Variants in RPH3A observed in about 807,000 individuals in gnomAD.
RPH3A encodes rabphilin-3A.
A neutral mutation model predicts 102.2 loss-of-function variants in RPH3A; 48 were observed. The ratio of observed to expected loss-of-function variants is 0.47; its 90% CI spans 0.37 to 0.60. The LOEUF (loss-of-function observed/expected upper bound fraction) is 0.60, where lower values mean the gene tolerates loss of function less well. Ranked by LOEUF, RPH3A falls within the 20% of genes least tolerant of loss-of-function variation. The pLI, the probability that RPH3A is intolerant of heterozygous loss-of-function variation, is 0.00. For missense variants in RPH3A, 781 were observed against 910.1 expected (o/e 0.86, Z 1.83); for synonymous variants, 310 against 324.3 (o/e 0.96, Z 0.47).
intron 1 of RPH3A, among the ~76,000 whole-genome samples, chr12:112,765,012 G>A (rs913557518): frequency 6.6e-6 from 1 of 152,194 alleles, no homozygotes; most frequent in South Asian, 2.1e-4. Flanking sequence ...AATTGTCTGA[G>A]CCATAAAGGG....
In RPH3A at chr12:112,576,841, C is replaced by CT. The variant is rs200480621; in HGVS notation, c.-140+1535dup. On this transcript the variant is annotated intron_variant, in intron 1 of 21. Transcript: ENST00000543106. ...CCCTGAGCTATTCCCTCTTATAAAACTTTTTTTTTTTTTAAATTATTGTAT... is the reference window on the plus strand; with the variant it reads ...CCCTGAGCTATTCCCTCTTATAAAACTTTTTTTTTTTTTTAAATTATTGTAT... Among the ~76,000 whole-genome samples, 194 of 139,172 alleles carry CT rather than the reference C, an allele frequency of 1.4e-3. 1 individual carries two copies. Among genetic ancestry groups the CT allele is most frequent in the African/African-American group, 2.6e-3 (97 of 37,866 alleles). 91.3% of individuals were successfully genotyped at this position (139,172 alleles called of 152,430 possible).
At chr12:112,870,799 A>T (rs2042695806) in intron 10 of RPH3A, among the ~76,000 whole-genome samples, 1 of 152,122 alleles carries the variant, frequency 6.6e-6, no homozygotes, top group Non-Finnish European at 1.5e-5. Flanking sequence ...TGTGCTTCAT[A>T]ATCTGCCCAG....
chr12:112,842,937 G>A (rs1357664834), intron 4 of RPH3A, among the ~76,000 whole-genome samples: 1 of 152,212 alleles, frequency 6.6e-6, no homozygotes, highest in Non-Finnish European at 1.5e-5. Context: ...ATACTGCCAA[G>A]AAGTGTCAGA....
chr12:112,633,546 T>G (rs1410545326), intron 1 of RPH3A, among the ~76,000 whole-genome samples: 1 of 152,160 alleles, frequency 6.6e-6, no homozygotes, highest in Non-Finnish European at 1.5e-5. Flanking sequence ...TGTGATGCCC[T>G]GGGCTACCTT....
At chr12:112,667,558 G>C (rs1274701621) in intron 1 of RPH3A, among the ~76,000 whole-genome samples, 1 of 151,882 alleles carries the variant, frequency 6.6e-6, no homozygotes, top group Non-Finnish European at 1.5e-5. Context: ...TATATATAAA[G>C]GGACTGATTA....
chr12:112,727,278 C>T (rs994440258), intron 1 of RPH3A, among the ~76,000 whole-genome samples: 5 of 150,944 alleles, frequency 3.3e-5, no homozygotes, highest in African/African-American at 7.3e-5. Context: ...GTAATCTCAG[C>T]GACCTGGGAG....
At chr12:112,712,967 C>CTTCT (rs2040480970) in intron 1 of RPH3A, among the ~76,000 whole-genome samples, 2 of 92,778 alleles carry the variant, frequency 2.2e-5, no homozygotes, top group Non-Finnish European at 4.6e-5. Flanking sequence ...CTTCTTCTTT[C>CTTCT]TTCTTCTTTC....
intron 5 of RPH3A, among the ~76,000 whole-genome samples, chr12:112,852,980 G>A (rs551156574): frequency 1.1e-4 from 16 of 152,352 alleles, no homozygotes; most frequent in Non-Finnish European, 2.2e-4. Context: ...GCCCAAAAAA[G>A]TAATTAGGAT....
intron 1 of RPH3A, among the ~76,000 whole-genome samples, chr12:112,738,074 A>G (rs2040682008): frequency 1.3e-5 from 2 of 152,198 alleles, no homozygotes; most frequent in Admixed American, 6.5e-5. Flanking sequence ...GTTCCCAGCA[A>G]TCCTTGGCAT....
chr12:112,619,864 T>C (rs1173246011), intron 1 of RPH3A, among the ~76,000 whole-genome samples: 1 of 152,234 alleles, frequency 6.6e-6, no homozygotes, highest in African/African-American at 2.4e-5. Context: ...AAATATACCC[T>C]ACTGATTTTA....
At chr12:112,824,227 AGCCGTCTT>A (rs2041829468) in intron 2 of RPH3A, among the ~76,000 whole-genome samples, 1 of 152,214 alleles carries the variant, frequency 6.6e-6, no homozygotes, top group South Asian at 2.1e-4. Flanking sequence ...GGCAGCACAC[AGCCGTCTT>A]GCCCTAGAAG....
chr12:112,602,818 AAG>A (rs1202218197), intron 1 of RPH3A, among the ~76,000 whole-genome samples: 3 of 152,156 alleles, frequency 2.0e-5, no homozygotes, highest in Non-Finnish European at 4.4e-5. Flanking sequence ...GAGTAGGAGA[AAG>A]AGAGTAGCAG....
chr12:112,728,079 A>G (rs2040608061), intron 1 of RPH3A, among the ~76,000 whole-genome samples: 3 of 152,204 alleles, frequency 2.0e-5, no homozygotes, highest in Non-Finnish European at 2.9e-5. Context: ...GGAAAGCTTG[A>G]TGTGGGTTTT....
intron 1 of RPH3A, among the ~76,000 whole-genome samples, chr12:112,622,682 C>T (rs1297044886): frequency 6.6e-6 from 1 of 151,274 alleles, no homozygotes; most frequent in African/African-American, 2.4e-5. Flanking sequence ...GGCAGGCCAA[C>T]ATTCAGATTC....
In RPH3A at chr12:112,869,912, T is replaced by C. The variant is rs763252983; in HGVS notation, c.669T>C (p.Ala223=). ...TTCCAGGCCCTGACCCAGCCTCTGC[T>C]CCCGGGCGAGGAAACTATGGGCCTC... is the stretch of plus-strand genomic sequence containing the variant. ...GQKTGPDPAS[A]PGRGNYGPPV... Residue 223 remains alanine, a synonymous_variant, in exon 10 of 22, where the codon GCT becomes GCC. Transcript: ENST00000389385. The C allele has an allele frequency of 1.9e-6, 3 of 1,614,002 alleles. No homozygotes were observed. The highest frequency in any genetic ancestry group is 1.6e-4 in the Middle Eastern group (1 of 6,062).
chr12:112,891,113 G>A, intron 19 of RPH3A, 110 bp downstream of exon 19: 1 of 1,302,078 alleles, frequency 7.7e-7, no homozygotes, highest in Non-Finnish European at 1.1e-6. Context: ...ACCCAGAGAG[G>A]GCAAGGAACC....
intron 1 of RPH3A, among the ~76,000 whole-genome samples, chr12:112,741,242 C>T (rs1302436800): frequency 6.6e-6 from 1 of 152,134 alleles, no homozygotes; most frequent in East Asian, 1.9e-4. Flanking sequence ...CTTAGCCTCT[C>T]CCACCGTAGG....
intron 1 of RPH3A, among the ~76,000 whole-genome samples, chr12:112,641,019 G>T (rs1351198162): frequency 6.6e-6 from 1 of 152,164 alleles, no homozygotes; most frequent in Admixed American, 6.5e-5. Flanking sequence ...TAAGAAGCTT[G>T]GTTAAGAAAC....
Position 112,687,494 on chromosome 12 carries a change from C to G in RPH3A, c.-139-104649C>G, listed in dbSNP as rs529371435. Among the ~76,000 whole-genome samples the G allele has an allele frequency of 1.5e-4, 23 of 152,288 alleles. No homozygotes were observed. The South Asian group carries it at 4.8e-3, about 32-fold the overall frequency. On this transcript the variant is annotated intron_variant, in intron 1 of 21. Coordinates refer to the RPH3A transcript ENST00000543106. ...ATGGTTATCCCTGCTGCAAAGGAGG[C>G]TGGGGACATGAGACTCTGATTTAGT...
Sources: allele counts gnomAD v4.1 joint callset (sites outside exome capture counted in the v4.1 genomes callset), GRCh38; gene constraint gnomAD v4.1.1; transcripts MANE v1.5; gene names NCBI Gene and HGNC (gene_info 2026-07-23, HGNC 2026-07-21).